Variants in FAM114A1 observed in about 807,000 individuals in gnomAD.
The protein encoded by FAM114A1 is family with sequence similarity 114 member A1, also known as protein NOXP20.
In FAM114A1, 62 loss-of-function variants were observed where a neutral mutation model predicts 64.3. The observed-to-expected ratio is 0.96, with a 90% CI of 0.79 to 1.19. FAM114A1 has a LOEUF of 1.19. FAM114A1 is among the 50% of genes most tolerant of loss of function. The probability of loss-of-function intolerance (pLI) is 0.00; values close to 1 mark genes in which losing one functional copy is unlikely to be tolerated. For missense variants in FAM114A1, 645 were observed against 676.3 expected (o/e 0.95, Z 0.51); for synonymous variants, 254 against 251.1 (o/e 1.01, Z -0.11).
At chr4:38,918,152 A>G (rs1334290325) in intron 8 of FAM114A1, among the ~76,000 whole-genome samples, 1 of 152,108 alleles carries the variant, frequency 6.6e-6, no homozygotes, top group African/African-American at 2.4e-5. Context: ...TGAACCCAGG[A>G]TGTGGAGGTT....
chr4:38,937,722 A>G (rs985086753), intron 13 of FAM114A1, among the ~76,000 whole-genome samples: 6 of 151,894 alleles, frequency 4.0e-5, no homozygotes, highest in Non-Finnish European at 8.8e-5. Context: ...ACCCAGCACC[A>G]GAGCTCAGGC....
At position 38,932,296 on chromosome 4, in the gene FAM114A1, T is replaced by G; in HGVS notation, c.1385T>G (p.Leu462Arg). 2.5e-6 allele frequency: 4 copies of G among 1,613,960 alleles called. No individual in the cohort carries two copies. The highest frequency in any genetic ancestry group is 3.4e-6 in the Non-Finnish European group (4 of 1,179,992). Residue 462 changes from leucine to arginine, a missense_variant, in exon 12 of 15, where the codon CTT becomes CGT. Leu to Arg is a moderately radical substitution (Grantham distance 102). Transcript: ENST00000358869. ...AEVTARCIEQLHKVAELILHG... is the reference protein window; with the variant it reads ...AEVTARCIEQRHKVAELILHG... ...GTAACAGCGCGCTGTATTGAGCAGC[T>G]TCATAAAGTAGCAGAATTAATTCTT...
chr4:38,914,835 A>G (rs1188765889), intron 7 of FAM114A1, 86 bp from the exon 8 acceptor site: 24 of 1,440,734 alleles, frequency 1.7e-5, no homozygotes, highest in Non-Finnish European at 2.1e-5. Flanking sequence ...ACACAAAATC[A>G]GTCCTCCCAA....
Position 38,905,984 on chromosome 4 carries a change from T to C in FAM114A1, c.657+123T>C, listed in dbSNP as rs1467706204. On this transcript the variant is annotated intron_variant, in intron 6 of 14. Transcript: ENST00000358869. Reference sequence around the variant, plus strand: ...TGGCCTTGCTCAGAACTTTGGATTATGGTTTTTTTTTTAATGTTTTCTGCT... The same window carrying C: ...TGGCCTTGCTCAGAACTTTGGATTACGGTTTTTTTTTTAATGTTTTCTGCT... The C allele has an allele frequency of 1.7e-5, 14 of 823,918 alleles. No homozygotes were observed. In the Admixed American group the frequency reaches 4.5e-4, roughly 26 times the overall value. 51.0% of individuals were successfully genotyped at this position (823,918 alleles called of 1,614,324 possible).
At chr4:38,929,471 A>T in intron 10 of FAM114A1, 138 bp downstream of exon 10, 2 of 668,030 alleles carry the variant, frequency 3.0e-6, no homozygotes, top group Admixed American at 2.8e-5. Flanking sequence ...GAGGAGTTTG[A>T]GGTCAGTAAT....
rs1721735877 is a variant in FAM114A1 at position 38,943,494 on chromosome 4, G to A, written c.1629G>A (p.Gln543=). ...NSTTYIQDAF[Q]LLLPVLQVSH... ...CAACGTACATACAGGATGCCTTCCAGCTGCTGCTGCCTGTTCTGCAGGTCT... is the reference window on the plus strand; with the variant it reads ...CAACGTACATACAGGATGCCTTCCAACTGCTGCTGCCTGTTCTGCAGGTCT... Residue 543 remains glutamine (Q), a synonymous_variant, in exon 15 of 15, where the codon CAG becomes CAA. Transcript: ENST00000358869. 3 of 1,613,984 alleles carry A rather than the reference G, an allele frequency of 1.9e-6. No individual in the cohort carries two copies. In the East Asian group the frequency reaches 6.7e-5, roughly 36 times the overall value.
Position 38,870,961 on chromosome 4 carries a change from AT to A in FAM114A1, c.-9+2423del, listed in dbSNP as rs1386774604. On this transcript the variant is annotated intron_variant, in intron 2 of 14. Transcript: ENST00000358869. Reference sequence around the variant, plus strand: ...TACCAGAACAACCAAACAAAAAATAATTTTTTTTCGTTTTGATTTGGGGAAA... The same window carrying A: ...TACCAGAACAACCAAACAAAAAATAATTTTTTTCGTTTTGATTTGGGGAAA... 2.6e-5 allele frequency among the ~76,000 whole-genome samples: 4 copies of A among 152,024 alleles called. No individual in the cohort carries two copies. In the East Asian group the frequency reaches 5.8e-4, roughly 22 times the overall value.
At chr4:38,929,364 T>TA (rs35369040) in intron 10 of FAM114A1, 31 bp downstream of exon 10, 20,823 of 1,466,578 alleles carry the variant, frequency 0.014, 44 homozygotes, top group South Asian at 0.05. Flanking sequence ...AGTTTCTGGT[T>TA]AAAAAAAAAC....
chr4:38,936,548 A>ATTTTTTTTTT (rs761417840), intron 13 of FAM114A1, among the ~76,000 whole-genome samples: 12 of 110,284 alleles, frequency 1.1e-4, no homozygotes, highest in Non-Finnish European at 1.5e-4. Flanking sequence ...AAGAGTTTTC[A>ATTTTTTTTTT]TTTTTTTTTT....
At chr4:38,935,143 C>A (rs977813781) in intron 12 of FAM114A1, among the ~76,000 whole-genome samples, 1 of 152,144 alleles carries the variant, frequency 6.6e-6, no homozygotes, top group African/African-American at 2.4e-5. Flanking sequence ...TCTTGAACTC[C>A]TGACCTCCGG....
rs1270914378 is a variant in FAM114A1, at chr4:38,922,850, T to G, written c.1026T>G (p.Phe342Leu). Residue 342 changes from phenylalanine (F) to leucine (L), a missense_variant, in exon 9 of 15, where the codon TTT becomes TTG. Transcript: ENST00000358869. ...ACCTAATTTCCATTAAAGACATCTTTGCAGCCAAAGAATTAGAGAATGAAG... is the reference window on the plus strand; with the variant it reads ...ACCTAATTTCCATTAAAGACATCTTGGCAGCCAAAGAATTAGAGAATGAAG... ...KNDLISIKDIFAAKELENEEN... is the reference protein window; with the variant it reads ...KNDLISIKDILAAKELENEEN... 6.2e-7 allele frequency: 1 copy of G among 1,613,480 alleles called. No individual in the cohort carries two copies. The highest frequency in any genetic ancestry group is 1.3e-5 in the African/African-American group (1 of 74,890).
chr4:38,919,729 C>T (rs1427818077), intron 8 of FAM114A1, among the ~76,000 whole-genome samples: 2 of 152,138 alleles, frequency 1.3e-5, no homozygotes, highest in African/African-American at 4.8e-5. Context: ...AAAAGCCTTG[C>T]CTAGAAATGA....
chr4:38,934,587 CACTA>C (rs1192119552), intron 12 of FAM114A1, among the ~76,000 whole-genome samples: 4 of 152,142 alleles, frequency 2.6e-5, no homozygotes, highest in African/African-American at 9.7e-5. Context: ...GTGCTGTATG[CACTA>C]ACTGATAGAA....
Position 38,945,578 on chromosome 4 carries a change from G to A in FAM114A1, c.*2021G>A, listed in dbSNP as rs1721901394. The A allele has an allele frequency of 6.6e-6, 1 of 152,124 alleles. No individual in the cohort carries two copies. The highest frequency in any genetic ancestry group is 2.1e-4 in the South Asian group (1 of 4,828). The allele number at this position is 152,124 out of a possible 1,614,324, so 9.4% of individuals were successfully genotyped here. A position where few individuals can be genotyped will look rare whatever the true frequency, so the allele number is the denominator to read the frequency against. ...CTTTGTTCCATACAGGCAAAGTAAG[G>A]ATATTTTAATATCATCCTACTTCTT... is the stretch of plus-strand genomic sequence containing the variant. On this transcript the variant is annotated 3_prime_UTR_variant, in exon 15 of 15. Transcript: ENST00000358869.
intron 7 of FAM114A1, among the ~76,000 whole-genome samples, chr4:38,910,408 G>A (rs948687334): frequency 4.6e-5 from 7 of 152,164 alleles, no homozygotes; most frequent in Admixed American, 1.3e-4. Flanking sequence ...ACAGGAGCTC[G>A]TCCCAGGGGG....
At chr4:38,932,877 C>T (rs1266845182) in intron 12 of FAM114A1, among the ~76,000 whole-genome samples, 1 of 144,060 alleles carries the variant, frequency 6.9e-6, no homozygotes, top group Non-Finnish European at 1.5e-5. Context: ...TTTTTTGAGA[C>T]AGAGTCTCGC....
chr4:38,924,589 T>G (rs887234458), intron 9 of FAM114A1, among the ~76,000 whole-genome samples: 6 of 152,236 alleles, frequency 3.9e-5, no homozygotes, highest in African/African-American at 1.2e-4. Flanking sequence ...ATGAGATTTA[T>G]GCTCATTGCA....
intron 3 of FAM114A1, among the ~76,000 whole-genome samples, chr4:38,880,675 T>C (rs761506633): frequency 1.3e-5 from 2 of 152,214 alleles, no homozygotes; most frequent in African/African-American, 4.8e-5. Context: ...CCACACTGTC[T>C]GTCTCATGTA....
intron 8 of FAM114A1, among the ~76,000 whole-genome samples, chr4:38,920,593 T>C (rs1362536586): frequency 6.6e-6 from 1 of 152,084 alleles, no homozygotes; most frequent in Non-Finnish European, 1.5e-5. Context: ...ACCCCAATGC[T>C]CTCCCTTCCA....
Sources: allele counts gnomAD v4.1 joint callset (sites outside exome capture counted in the v4.1 genomes callset), GRCh38; gene constraint gnomAD v4.1.1; transcripts MANE v1.5; gene names NCBI Gene and HGNC (gene_info 2026-07-23, HGNC 2026-07-21).